The following DLG1 variants were observed in gnomAD, a reference collection of about 807,000 sequenced individuals.
DLG1 encodes discs large MAGUK scaffold protein 1.
A neutral mutation model predicts 123.4 loss-of-function variants in DLG1; 42 were observed. The ratio of observed to expected loss-of-function variants is 0.34; its 90% CI spans 0.27 to 0.44. The LOEUF (loss-of-function observed/expected upper bound fraction) is 0.44, where lower values mean the gene tolerates loss of function less well. DLG1 is among the 20% of genes least tolerant of loss of function. The pLI is 1.00. For missense variants in DLG1, 942 were observed against 1,082.6 expected (o/e 0.87, Z 1.82); for synonymous variants, 317 against 356.2 (o/e 0.89, Z 1.24).
At chr3:197,237,985 CAA>C (rs1335388251) in intron 4 of DLG1, among the ~76,000 whole-genome samples, 1 of 152,168 alleles carries the variant, frequency 6.6e-6, no homozygotes, top group Admixed American at 6.6e-5. Flanking sequence ...CCACTGGTAA[CAA>C]AAGCTTCTAC....
intron 5 of DLG1, among the ~76,000 whole-genome samples, chr3:197,182,111 G>A (rs1050192560): frequency 6.7e-6 from 1 of 150,034 alleles, no homozygotes; most frequent in East Asian, 1.9e-4. Context: ...TATATAGAAG[G>A]GTGTGCATTT....
intron 14 of DLG1, among the ~76,000 whole-genome samples, chr3:197,092,123 A>G (rs981919198): frequency 3.9e-5 from 6 of 152,216 alleles, no homozygotes; most frequent in Admixed American, 1.3e-4. Context: ...AATTAAATAA[A>G]TATCAATCCA....
Position 197,149,785 on chromosome 3 carries a change from G to A in DLG1, c.495C>T (p.Pro165=), listed in dbSNP as rs780261783. 6.3e-7 allele frequency: 1 copy of A among 1,592,774 alleles called. No individual in the cohort carries two copies. ...AGCTATCTGTGTTGACCAGTACTGG[G>A]GGAGGATTTGCCTTTAAGAAGAAAT... ...SHISPIKANP[P]PVLVNTDSLE... is the part of the protein sequence containing the mutation. The change falls in exon 6 of 25, where the codon CCC becomes CCT. Residue 165 remains proline (P), a synonymous_variant. Transcript: ENST00000667157.
intron 4 of DLG1, among the ~76,000 whole-genome samples, chr3:197,203,143 G>A (rs758737012): frequency 7.9e-5 from 12 of 152,058 alleles, no homozygotes; most frequent in Non-Finnish European, 4.4e-5. Flanking sequence ...TGTGCCTACA[G>A]TTTCAGCTAC....
chr3:197,189,535 CAA>C (rs1025203976), intron 5 of DLG1, among the ~76,000 whole-genome samples: 2 of 152,060 alleles, frequency 1.3e-5, no homozygotes, highest in Non-Finnish European at 2.9e-5. Context: ...GCCAGCAAAC[CAA>C]AGTGAGGGAA....
At chr3:197,045,676 C>T (rs1722484900) in intron 24 of DLG1, among the ~76,000 whole-genome samples, 1 of 151,964 alleles carries the variant, frequency 6.6e-6, no homozygotes. Context: ...CCCAGGAGTT[C>T]ACAACTGCAG....
chr3:197,089,791 T>A (rs368563017), intron 15 of DLG1, among the ~76,000 whole-genome samples: 4 of 152,040 alleles, frequency 2.6e-5, no homozygotes, highest in African/African-American at 7.2e-5. Context: ...TTTGTATATA[T>A]AAAATACTTT....
chr3:197,210,438 CAA>C (rs1328164522), intron 4 of DLG1, among the ~76,000 whole-genome samples: 6 of 143,392 alleles, frequency 4.2e-5, no homozygotes, highest in African/African-American at 1.5e-4. Flanking sequence ...ATAAAAAATG[CAA>C]GAGAGGTTAT....
chr3:197,283,715 C>T (rs1038562840), intron 3 of DLG1, among the ~76,000 whole-genome samples: 2 of 152,110 alleles, frequency 1.3e-5, no homozygotes, highest in Non-Finnish European at 2.9e-5. Context: ...GGGCATTACC[C>T]TGTATAGAAT....
intron 4 of DLG1, among the ~76,000 whole-genome samples, chr3:197,245,474 A>G (rs905036767): frequency 7.2e-5 from 11 of 152,094 alleles, no homozygotes; most frequent in Non-Finnish European, 1.3e-4. Context: ...TGGTTTTCTT[A>G]GGGTTTATTA....
chr3:197,079,271 G>A (rs1749345409), intron 17 of DLG1, among the ~76,000 whole-genome samples: 1 of 152,102 alleles, frequency 6.6e-6, no homozygotes, highest in African/African-American at 2.4e-5. Context: ...ATTTCCACAT[G>A]TATTTCAAAA....
intron 4 of DLG1, among the ~76,000 whole-genome samples, chr3:197,196,223 G>C (rs1015310413): frequency 4.8e-5 from 7 of 144,372 alleles, no homozygotes; most frequent in Non-Finnish European, 9.0e-5. Context: ...CTTGACTGCT[G>C]AAAGTTACTA....
intron 4 of DLG1, among the ~76,000 whole-genome samples, chr3:197,243,260 C>A (rs36035383): frequency 0.28 from 42,950 of 151,952 alleles, 7,289 homozygotes; most frequent in East Asian, 0.69. Flanking sequence ...TCGAGTAAGG[C>A]GGCATGGGTC....
chr3:197,191,561 C>G (rs769542247), intron 5 of DLG1, among the ~76,000 whole-genome samples: 1 of 151,866 alleles, frequency 6.6e-6, no homozygotes, highest in African/African-American at 2.4e-5. Context: ...TAAGGATGAC[C>G]GGAAATTCAA....
chr3:197,061,647 C>T (rs1168662323), intron 22 of DLG1, among the ~76,000 whole-genome samples: 1 of 152,056 alleles, frequency 6.6e-6, no homozygotes, highest in East Asian at 1.9e-4. Flanking sequence ...ATAGAATATG[C>T]CTCATTCTAT....
intron 24 of DLG1, among the ~76,000 whole-genome samples, chr3:197,050,423 AAT>A (rs71623330): frequency 2.0e-5 from 3 of 150,932 alleles, no homozygotes; most frequent in Admixed American, 6.6e-5. Flanking sequence ...AACAACAACA[AAT>A]ATATATATAT....
chr3:197,101,949 A>T (rs1763717566), intron 14 of DLG1, among the ~76,000 whole-genome samples: 1 of 151,984 alleles, frequency 6.6e-6, no homozygotes, highest in Admixed American at 6.6e-5. Flanking sequence ...CAGAGACAAG[A>T]TCTTGCTATG....
At chr3:197,146,751 GA>G (rs1790987039) in intron 6 of DLG1, among the ~76,000 whole-genome samples, 1 of 152,148 alleles carries the variant, frequency 6.6e-6, no homozygotes, top group East Asian at 1.9e-4. Flanking sequence ...AAGACTTCAT[GA>G]CCAAGAACCC....
chr3:197,288,629 G>A (rs1422131016), intron 3 of DLG1, among the ~76,000 whole-genome samples: 2 of 149,174 alleles, frequency 1.3e-5, no homozygotes, highest in Non-Finnish European at 3.0e-5. Context: ...GCTGAGGCAG[G>A]AGAATCGCTT....
Sources: gnomAD v4.1 joint callset for allele counts (sites outside exome capture counted in the v4.1 genomes callset) on GRCh38, gnomAD v4.1.1 for gene constraint, MANE v1.5 for transcripts, NCBI Gene and HGNC (gene_info 2026-07-23, HGNC 2026-07-21) for gene names.